Variants in CSNK2A2IP observed in about 807,000 individuals in gnomAD.
The protein encoded by CSNK2A2IP is casein kinase II subunit alpha'-interacting protein.
chr3:88,362,414 A>C, the CSNK2A2IP span, among the ~76,000 whole-genome samples: 3 of 152,158 alleles, frequency 2.0e-5, no homozygotes, highest in Non-Finnish European at 4.4e-5. Flanking sequence ...AATTCCTTGG[A>C]TTTCCAGGTG....
chr3:88,420,889 T>C, the CSNK2A2IP span, among the ~76,000 whole-genome samples: 1 of 152,172 alleles, frequency 6.6e-6, no homozygotes, highest in Non-Finnish European at 1.5e-5. Flanking sequence ...ACTCATGTAA[T>C]GGGAGTTGGG....
the CSNK2A2IP span, chr3:88,431,449 T>A: frequency 6.6e-6 from 1 of 152,158 alleles, no homozygotes; most frequent in African/African-American, 2.4e-5. Flanking sequence ...CTTTGGGGAT[T>A]CATGGGGAAA....
chr3:88,370,428 A>C, the CSNK2A2IP span, among the ~76,000 whole-genome samples: 1 of 151,820 alleles, frequency 6.6e-6, no homozygotes, highest in East Asian at 1.9e-4. Flanking sequence ...TTTGCGTAAG[A>C]TCTCAATGAC....
chr3:88,342,002 G>A, the CSNK2A2IP span, among the ~76,000 whole-genome samples: 1 of 151,920 alleles, frequency 6.6e-6, no homozygotes, highest in Non-Finnish European at 1.5e-5. Context: ...ATCATTCCCA[G>A]ATTGCTGACA....
the CSNK2A2IP span, among the ~76,000 whole-genome samples, chr3:88,433,300 T>G: frequency 5.3e-5 from 8 of 152,106 alleles, no homozygotes; most frequent in Non-Finnish European, 1.2e-4. Flanking sequence ...TATGGTTTTC[T>G]TTTTGATTTG....
chr3:88,454,656 T>C, the CSNK2A2IP span, among the ~76,000 whole-genome samples: 2 of 151,958 alleles, frequency 1.3e-5, no homozygotes, highest in African/African-American at 2.4e-5. Context: ...GTTTTATTGA[T>C]GTATAATTGA....
the CSNK2A2IP span, among the ~76,000 whole-genome samples, chr3:88,342,010 A>G: frequency 3.3e-5 from 5 of 152,018 alleles, no homozygotes; most frequent in African/African-American, 1.2e-4. Context: ...CAGATTGCTG[A>G]CATATATACT....
At chr3:88,345,145 G>T in the CSNK2A2IP span, among the ~76,000 whole-genome samples, 1 of 151,894 alleles carries the variant, frequency 6.6e-6, no homozygotes, top group South Asian at 2.1e-4. Flanking sequence ...CTGCCACCCT[G>T]ATCTCTCCAA....
chr3:88,462,265 T>C, the CSNK2A2IP span, among the ~76,000 whole-genome samples: 13 of 152,228 alleles, frequency 8.5e-5, no homozygotes, highest in African/African-American at 3.1e-4. Context: ...GTTTAAGAAA[T>C]CTTTGCATGC....
At chr3:88,455,382 T>C in the CSNK2A2IP span, among the ~76,000 whole-genome samples, 1 of 151,994 alleles carries the variant, frequency 6.6e-6, no homozygotes, top group Non-Finnish European at 1.5e-5. Flanking sequence ...CTTTTGACTG[T>C]TTGATAAAAG....
At chr3:88,420,912 G>A in the CSNK2A2IP span, among the ~76,000 whole-genome samples, 5 of 152,112 alleles carry the variant, frequency 3.3e-5, no homozygotes, top group South Asian at 8.3e-4. Flanking sequence ...AACTATAACA[G>A]TCTGAGATAT....
chr3:88,370,610 C>CTCTTTCTTTCTT, the CSNK2A2IP span, among the ~76,000 whole-genome samples: 4 of 148,034 alleles, frequency 2.7e-5, no homozygotes, highest in African/African-American at 1.0e-4. Context: ...CTCTCTCTCT[C>CTCTTTCTTTCTT]TCTTTCTTTC....
chr3:88,449,882 G>GAGAGAGAGAGAGAGAGAGAT, the CSNK2A2IP span, among the ~76,000 whole-genome samples: 1 of 137,858 alleles, frequency 7.3e-6, no homozygotes. Context: ...TATAGAGAGA[G>GAGAGAGAGAGAGAGAGAGAT]AGAGAGAGAG....
At chr3:88,416,143 C>A in the CSNK2A2IP span, among the ~76,000 whole-genome samples, 4 of 151,612 alleles carry the variant, frequency 2.6e-5, no homozygotes, top group South Asian at 8.3e-4. Flanking sequence ...TGGTGGCACG[C>A]GCCTGTAGTC....
chr3:88,465,614 G>A, the CSNK2A2IP span: 1 of 1,231,664 alleles, frequency 8.1e-7, no homozygotes, highest in Non-Finnish European at 1.0e-6. Flanking sequence ...TTCTGTGATA[G>A]GTTTCTGAAT....
At chr3:88,362,473 T>A in the CSNK2A2IP span, among the ~76,000 whole-genome samples, 1 of 152,164 alleles carries the variant, frequency 6.6e-6, no homozygotes. Flanking sequence ...AAGGAGACTT[T>A]CCCTGCACTG....
chr3:88,402,630 CT>C, the CSNK2A2IP span, among the ~76,000 whole-genome samples: 1 of 147,104 alleles, frequency 6.8e-6, no homozygotes, highest in Non-Finnish European at 1.5e-5. Flanking sequence ...AATATGTTAC[CT>C]GTTATTTCAA....
the CSNK2A2IP span, among the ~76,000 whole-genome samples, chr3:88,376,168 T>A: frequency 6.6e-6 from 1 of 151,012 alleles, no homozygotes; most frequent in Non-Finnish European, 1.5e-5. Context: ...TTTCCCCACT[T>A]TTCTATATTT....
chr3:88,352,540 AG>A, the CSNK2A2IP span, among the ~76,000 whole-genome samples: 1 of 152,112 alleles, frequency 6.6e-6, no homozygotes, highest in Non-Finnish European at 1.5e-5. Context: ...GACTAAAAAA[AG>A]AAATATTGAA....
Sources: allele counts gnomAD v4.1 joint callset (sites outside exome capture counted in the v4.1 genomes callset), GRCh38; gene constraint gnomAD v4.1.1; transcripts MANE v1.5; gene names NCBI Gene and HGNC (gene_info 2026-07-23, HGNC 2026-07-21).